Variants in DENND1A observed in about 807,000 individuals in gnomAD.
DENND1A encodes DENN domain-containing protein 1A.
DENND1A carries 51 observed loss-of-function variants against 113.7 expected under a neutral mutation model. That is an observed-to-expected ratio of 0.45 (90% CI 0.36 to 0.57). The LOEUF (loss-of-function observed/expected upper bound fraction) is 0.57, where lower values mean the gene tolerates loss of function less well. DENND1A is among the 20% of genes least tolerant of loss of function. The pLI is 0.00. For missense variants in DENND1A, 1,258 were observed against 1,395.9 expected, an observed-to-expected ratio of 0.90 and a Z score of 1.57; for synonymous variants, 565 against 570.8, an observed-to-expected ratio of 0.99 and a Z score of 0.14.
chr9:123,516,107 TACACACACACACACACAC>T (rs199923277), intron 13 of DENND1A, among the ~76,000 whole-genome samples: 240 of 138,656 alleles, frequency 1.7e-3, no homozygotes, highest in African/African-American at 4.3e-3. Context: ...TACACACACA[TACACACACACACACACAC>T]ACACACACAC....
intron 2 of DENND1A, among the ~76,000 whole-genome samples, chr9:123,814,308 C>T (rs2132496872): frequency 6.6e-6 from 1 of 152,124 alleles, no homozygotes; most frequent in South Asian, 2.1e-4. Context: ...TATTTTTACC[C>T]CTTCTTCATC....
rs796689830 is a variant in DENND1A at position 123,607,518 on chromosome 9, CACAGAG to C, written c.765+1912_765+1917del. 5.7e-4 allele frequency among the ~76,000 whole-genome samples: 44 copies of C among 77,722 alleles called. 1 individual carries two copies. The highest frequency in any genetic ancestry group is 1.9e-3 in the African/African-American group (30 of 15,990). 51.0% of individuals were successfully genotyped at this position (77,722 alleles called of 152,430 possible). On this transcript the variant is annotated intron_variant, in intron 11 of 23. Coordinates refer to ENST00000394215, the MANE Select transcript of DENND1A (RefSeq NM_001352964.2). ...ACACACACACACACACACACACACA[CACAGAG>C]AGAGAGAGAGAGAGAGAGAGAGAGT... is the stretch of plus-strand genomic sequence containing the variant.
chr9:123,820,283 G>C (rs1279401961), intron 2 of DENND1A, among the ~76,000 whole-genome samples: 1 of 152,198 alleles, frequency 6.6e-6, no homozygotes, highest in Non-Finnish European at 1.5e-5. Context: ...CTGACTTCGT[G>C]ACTTGCTTTG....
chr9:123,513,573 G>T lies in DENND1A; in HGVS notation c.993+43997C>A, dbSNP rs377506691. Among the ~76,000 whole-genome samples the T allele has an allele frequency of 2.3e-4, 35 of 152,324 alleles. 1 individual carries two copies. The East Asian group carries it at 5.8e-3, about 25-fold the overall frequency. On this transcript the variant is annotated intron_variant, in intron 13 of 23. Transcript: ENST00000394215. Reference sequence around the variant, plus strand: ...GACGCCAGAGCGGGAAGAGCCGCTGGGTGTCATACAATCCATCTCTTCCTT... The same window carrying T: ...GACGCCAGAGCGGGAAGAGCCGCTGTGTGTCATACAATCCATCTCTTCCTT...
rs377526181 is a variant in DENND1A, at chr9:123,383,771, C to A, written c.1903G>T (p.Val635Phe). ...RAASIDLLED[V>F]FSNLDMEAAL... ...GCCTCCATGTCCAGGTTGCTGAAGA[C>A]GTCTTCCAGAAGGTCGATGCTGGCA... Residue 635 changes from valine (V) to phenylalanine (F), a missense_variant, in exon 23 of 24, where the codon GTC becomes TTC. This residue lies in a region of DENND1A where 1,159 missense variants were observed against 1,231.7 expected (regional missense o/e 0.94). Coordinates refer to ENST00000394215, the MANE Select transcript of DENND1A (RefSeq NM_001352964.2). 6.2e-7 allele frequency: 1 copy of A among 1,614,140 alleles called. No homozygotes were observed. The highest frequency in any genetic ancestry group is 8.5e-7 in the Non-Finnish European group (1 of 1,180,042).
intron 5 of DENND1A, among the ~76,000 whole-genome samples, chr9:123,722,813 G>GCA (rs1564138469): frequency 4.8e-4 from 73 of 152,370 alleles, no homozygotes; most frequent in African/African-American, 1.7e-3. Context: ...CAGGAGTGGG[G>GCA]GCCCTCATGG....
chr9:123,917,640 T>C (rs961982927), intron 1 of DENND1A, among the ~76,000 whole-genome samples: 17 of 152,068 alleles, frequency 1.1e-4, no homozygotes, highest in African/African-American at 4.1e-4. Flanking sequence ...ATGACTGACC[T>C]GGTAGCAAAC....
chr9:123,558,223 C>T (rs1050655127), intron 12 of DENND1A, among the ~76,000 whole-genome samples: 3 of 152,158 alleles, frequency 2.0e-5, no homozygotes, highest in African/African-American at 4.8e-5. Context: ...AGGCTACATA[C>T]CTAGCAACAA....
intron 13 of DENND1A, among the ~76,000 whole-genome samples, chr9:123,550,582 T>C (rs1564699801): frequency 6.6e-6 from 1 of 152,150 alleles, no homozygotes. Flanking sequence ...AATAAGAAAC[T>C]CTAAGCAGAA....
chr9:123,469,290 T>C (rs2049202844), intron 13 of DENND1A, among the ~76,000 whole-genome samples: 1 of 152,228 alleles, frequency 6.6e-6, no homozygotes, highest in African/African-American at 2.4e-5. Flanking sequence ...AGCTCACTGT[T>C]CAGATGATTT....
At chr9:123,910,917 T>A (rs987711438) in intron 1 of DENND1A, among the ~76,000 whole-genome samples, 2 of 152,286 alleles carry the variant, frequency 1.3e-5, no homozygotes, top group Admixed American at 1.3e-4. Flanking sequence ...CATTCCAGTC[T>A]GGGCAATGAA....
intron 3 of DENND1A, among the ~76,000 whole-genome samples, chr9:123,780,195 C>T (rs563425324): frequency 6.6e-6 from 1 of 152,264 alleles, no homozygotes; most frequent in South Asian, 2.1e-4. Flanking sequence ...CCACATGTTC[C>T]GGACCCCAGG....
intron 3 of DENND1A, among the ~76,000 whole-genome samples, chr9:123,774,958 T>C (rs569208415): frequency 3.3e-4 from 51 of 152,298 alleles, no homozygotes; most frequent in African/African-American, 1.2e-3. Flanking sequence ...TTCATGACCT[T>C]TGAAGTCTGA....
chr9:123,695,643 C>T (rs1316334872), intron 5 of DENND1A, among the ~76,000 whole-genome samples: 1 of 152,106 alleles, frequency 6.6e-6, no homozygotes, highest in African/African-American at 2.4e-5. Context: ...TTTCAAGGAG[C>T]TCAGTGTCTA....
intron 9 of DENND1A, among the ~76,000 whole-genome samples, chr9:123,637,296 C>G (rs2061755593): frequency 6.6e-6 from 1 of 152,184 alleles, no homozygotes; most frequent in African/African-American, 2.4e-5. Context: ...TTCATTTTGA[C>G]CAGGGATCAT....
rs1358974036 is a variant in DENND1A, at chr9:123,381,969, G to T, written c.2676C>A (p.Leu892=). 4.7e-6 allele frequency: 7 copies of T among 1,474,220 alleles called. No individual in the cohort carries two copies. Among genetic ancestry groups the T allele is most frequent in the Non-Finnish European group, 6.3e-6 (7 of 1,112,424 alleles). The allele number at this position is 1,474,220 out of a possible 1,614,324, so 91.3% of individuals were successfully genotyped here. ...CTGGCATGGATGGGACAAAGGGGTTGAGTGGTGGCTGTGGGAATGGGGTGG... is the reference window on the plus strand; with the variant it reads ...CTGGCATGGATGGGACAAAGGGGTTTAGTGGTGGCTGTGGGAATGGGGTGG... ...GTPTPFPQPP[L]NPFVPSMPAA... The change falls in exon 24 of 24, where the codon CTC becomes CTA. Residue 892 remains leucine, a synonymous_variant. Transcript: ENST00000394215. This position sits in a 1 kb window ranked among gnomAD's most constrained non-coding sequence, Gnocchi z 4.7.
At chr9:123,879,460 G>A (rs1848002986) in intron 1 of DENND1A, among the ~76,000 whole-genome samples, 1 of 152,120 alleles carries the variant, frequency 6.6e-6, no homozygotes, top group Non-Finnish European at 1.5e-5. Context: ...TTGAGCCCAG[G>A]AGGCAGAGGT....
At chr9:123,392,978 G>A (rs1022857408) in intron 21 of DENND1A, among the ~76,000 whole-genome samples, 2 of 152,192 alleles carry the variant, frequency 1.3e-5, no homozygotes, top group Non-Finnish European at 2.9e-5. Flanking sequence ...CCAGGTTGCT[G>A]TGGATGCCAT....
chr9:123,690,665 C>T (rs1294336705), intron 5 of DENND1A, among the ~76,000 whole-genome samples: 1 of 151,762 alleles, frequency 6.6e-6, no homozygotes, highest in Non-Finnish European at 1.5e-5. Flanking sequence ...AACAAAATAT[C>T]CCCCCTCCTT....
Sources: gnomAD v4.1 joint callset for allele counts (sites outside exome capture counted in the v4.1 genomes callset) on GRCh38, gnomAD v4.1.1 for gene constraint, gnomAD v4.1.1 regional missense constraint, Gnocchi (gnomAD v3.1) non-coding constraint, MANE v1.5 for transcripts, NCBI Gene and HGNC (gene_info 2026-07-23, HGNC 2026-07-21) for gene names.